The following RWDD4 variants were observed in gnomAD, a reference collection of about 807,000 sequenced individuals.
RWDD4 encodes the protein RWD domain-containing protein 4.
In RWDD4, 16 loss-of-function variants were observed where a neutral mutation model predicts 30.0. The ratio of observed to expected loss-of-function variants is 0.53; its 90% CI spans 0.36 to 0.81. The LOEUF (loss-of-function observed/expected upper bound fraction) is 0.81, where lower values mean the gene tolerates loss of function less well. RWDD4 is among the 30% of genes least tolerant of loss of function. RWDD4 has a pLI of 0.00. For missense variants in RWDD4, 170 were observed against 223.9 expected, an observed-to-expected ratio of 0.76 and a Z score of 1.54; for synonymous variants, 45 against 72.1, an observed-to-expected ratio of 0.62 and a Z score of 1.90.
At position 183,651,115 on chromosome 4, in the gene RWDD4, G is replaced by A; in HGVS notation, c.232C>T (p.Gln78Ter). The change falls in exon 4 of 8, where the codon CAG becomes TAG. Residue 78 changes from glutamine to a stop codon, truncating the protein, a stop_gained. Transcript: ENST00000326397. LOFTEE classifies it high-confidence loss of function. Reference sequence around the variant, plus strand: ...TCCTGTAGCTTGGCTAATATACTCTGCTTTACAGCTGATGATCTACAATGC... The same window carrying A: ...TCCTGTAGCTTGGCTAATATACTCTACTTTACAGCTGATGATCTACAATGC... ...FNNTISSAVK[Q>*]SILAKLQEAV... 1 of 1,614,086 alleles carries A rather than the reference G, an allele frequency of 6.2e-7. No individual in the cohort carries two copies. The highest frequency in any genetic ancestry group is 8.5e-7 in the Non-Finnish European group (1 of 1,179,984).
At chr4:183,641,500 G>C in intron 7 of RWDD4, 32 bp from the exon 8 acceptor site, 1 of 1,559,098 alleles carries the variant, frequency 6.4e-7, no homozygotes, top group Non-Finnish European at 8.8e-7. Context: ...TAGTCAACAA[G>C]TGGTATTTTC....
chr4:183,648,770 A>G (rs139612683), intron 5 of RWDD4, among the ~76,000 whole-genome samples: 2 of 152,238 alleles, frequency 1.3e-5, no homozygotes, highest in East Asian at 1.9e-4. Flanking sequence ...AGACTCATTT[A>G]TAGTTACTTT....
intron 1 of RWDD4, 99 bp downstream of exon 1, chr4:183,658,830 G>C: frequency 9.2e-7 from 1 of 1,081,708 alleles, no homozygotes; most frequent in Non-Finnish European, 1.2e-6. Context: ...AGGGCACAGG[G>C]CACGTGCCGG....
intron 5 of RWDD4, 79 bp from the exon 6 acceptor site, chr4:183,646,616 G>T: frequency 8.1e-7 from 1 of 1,241,156 alleles, no homozygotes; most frequent in Non-Finnish European, 1.1e-6. Context: ...ATATACTACT[G>T]TACACAACAA....
At chr4:183,653,085 G>T (rs1163784767) in intron 2 of RWDD4, among the ~76,000 whole-genome samples, 1 of 152,116 alleles carries the variant, frequency 6.6e-6, no homozygotes, top group East Asian at 1.9e-4. Context: ...AATGTCCCCA[G>T]ATCTGAACTG....
At chr4:183,641,500 G>A (rs1317252219) in intron 7 of RWDD4, 32 bp from the exon 8 acceptor site, 2 of 1,559,098 alleles carry the variant, frequency 1.3e-6, no homozygotes, top group Non-Finnish European at 1.8e-6. Context: ...TAGTCAACAA[G>A]TGGTATTTTC....
At chr4:183,658,844 G>T in intron 1 of RWDD4, 85 bp downstream of exon 1, 1 of 1,147,568 alleles carries the variant, frequency 8.7e-7, no homozygotes, top group South Asian at 4.4e-5. Flanking sequence ...GTGCCGGGCA[G>T]GCTGTCCGGG....
At chr4:183,651,509 T>C (rs1471319143) in intron 2 of RWDD4, among the ~76,000 whole-genome samples, 182 bp from the exon 3 acceptor site, 1 of 152,242 alleles carries the variant, frequency 6.6e-6, no homozygotes, top group African/African-American at 2.4e-5. Context: ...CAGGACAGTC[T>C]GACTTTAATT....
chr4:183,651,346 C>T lies in RWDD4; in HGVS notation c.106-19G>A, dbSNP rs755346809. The T allele has an allele frequency of 6.4e-7, 1 of 1,569,420 alleles. No individual in the cohort carries two copies. The highest frequency in any genetic ancestry group is 1.1e-5 in the South Asian group (1 of 88,092). On this transcript the variant is annotated intron_variant, in intron 2 of 7. Coordinates refer to ENST00000326397, the MANE Select transcript of RWDD4 (RefSeq NM_152682.4). ...CACCTATCTGAAGAGAAGGGGAAAT[C>T]TTAGGCTTGTAAAAGGTGATAAAAA...
chr4:183,652,046 T>C (rs181725538), intron 2 of RWDD4, among the ~76,000 whole-genome samples: 177 of 152,344 alleles, frequency 1.2e-3, no homozygotes, highest in African/African-American at 2.8e-3. Context: ...GTGATTTTTT[T>C]CCCCTTTGGT....
chr4:183,646,569 A>G, intron 5 of RWDD4, 32 bp from the exon 6 acceptor site: 1 of 1,575,442 alleles, frequency 6.3e-7, no homozygotes. Context: ...CTTTATTTCT[A>G]AGACCAACCA....
At position 183,649,555 on chromosome 4, in the gene RWDD4, T is replaced by C. The variant is rs756143023; in HGVS notation, c.377A>G (p.Asn126Ser). The change falls in exon 5 of 8, where the codon AAT becomes AGT. Residue 126 changes from asparagine (N) to serine (S), a missense_variant. Transcript: ENST00000326397. ...ATTAGGAGTTTCAATTGAGATGATATTGCTTATCGATGTCTAAAAAAAAAA... is the reference window on the plus strand; with the variant it reads ...ATTAGGAGTTTCAATTGAGATGATACTGCTTATCGATGTCTAAAAAAAAAA... ...NPINSATSIS[N>S]IISIETPNTA... The C allele has an allele frequency of 3.8e-6, 6 of 1,565,506 alleles. No homozygotes were observed. In the African/African-American group the frequency reaches 8.4e-5, roughly 22 times the overall value.
chr4:183,648,993 TGTGACCCAAAAGGTCA>T (rs1248390548), intron 5 of RWDD4, among the ~76,000 whole-genome samples: 5 of 152,088 alleles, frequency 3.3e-5, no homozygotes, highest in East Asian at 1.9e-4. Context: ...AGTATACATA[TGTGACCCAAAAGGTCA>T]GTGACCCAAA....
In RWDD4 at chr4:183,651,143, A is replaced by G; in HGVS notation, c.216-12T>C. ...TTACAGCTGATGATCTACAATGCAC[A>G]ACAAAAATACCTTGCTGAGAGAAAA... is the stretch of plus-strand genomic sequence containing the variant. On this transcript the variant is annotated splice_polypyrimidine_tract_variant and intron_variant, in intron 3 of 7. Coordinates refer to ENST00000326397, the MANE Select transcript of RWDD4 (RefSeq NM_152682.4). The G allele has an allele frequency of 6.2e-7, 1 of 1,614,018 alleles. No individual in the cohort carries two copies. Among genetic ancestry groups the G allele is most frequent in the Non-Finnish European group, 8.5e-7 (1 of 1,179,966 alleles).
chr4:183,651,401 G>A (rs1251857237), intron 2 of RWDD4, 74 bp from the exon 3 acceptor site: 24 of 1,107,854 alleles, frequency 2.2e-5, no homozygotes, highest in Non-Finnish European at 2.8e-5. Context: ...ATCTTCAAAA[G>A]GGTGAATTCT....
Position 183,659,082 on chromosome 4 carries a change from T to G in RWDD4, c.-130A>C, listed in dbSNP as rs1734308619. 2 of 654,746 alleles carry G rather than the reference T, an allele frequency of 3.1e-6. No homozygotes were observed. The highest frequency in any genetic ancestry group is 1.6e-4 in the South Asian group (2 of 12,450). The allele number at this position is 654,746 out of a possible 1,614,324, so 40.6% of individuals were successfully genotyped here. A position where few individuals can be genotyped will look rare whatever the true frequency, so the allele number is the denominator to read the frequency against. On this transcript the variant is annotated 5_prime_UTR_variant, in exon 1 of 8. Coordinates refer to ENST00000326397, the MANE Select transcript of RWDD4 (RefSeq NM_152682.4). ...TGTGGGGGCGGCACAGTCTTGGCAC[T>G]GGCAGACGCCAACTGCGCGCGCCCC... is the stretch of plus-strand genomic sequence containing the variant.
Position 183,659,132 on chromosome 4 carries a change from G to A in RWDD4, c.-180C>T, listed in dbSNP as rs988725741. ...CGAGCCTCGGCAGCGCCCAGCCGCCGGCAGTGGGCTGTGGGCTACGAGCCG... is the reference window on the plus strand; with the variant it reads ...CGAGCCTCGGCAGCGCCCAGCCGCCAGCAGTGGGCTGTGGGCTACGAGCCG... On this transcript the variant is annotated 5_prime_UTR_variant, in exon 1 of 8. Coordinates refer to ENST00000326397, the MANE Select transcript of RWDD4 (RefSeq NM_152682.4). 3.5e-5 allele frequency: 15 copies of A among 432,636 alleles called. No homozygotes were observed. The highest frequency in any genetic ancestry group is 2.6e-4 in the South Asian group (2 of 7,692). 26.8% of individuals were successfully genotyped at this position (432,636 alleles called of 1,614,324 possible).
At chr4:183,649,410 G>A in intron 5 of RWDD4, 41 bp downstream of exon 5, 1 of 1,353,506 alleles carries the variant, frequency 7.4e-7, no homozygotes, top group Non-Finnish European at 1.0e-6. Flanking sequence ...GTGAGACTCT[G>A]TCAAAAAAAA....
In RWDD4 at chr4:183,640,023, A is replaced by G. The variant is rs1193317006; in HGVS notation, c.*1413T>C. 4.6e-5 allele frequency: 7 copies of G among 152,270 alleles called. No individual in the cohort carries two copies. Among genetic ancestry groups the G allele is most frequent in the South Asian group, 2.1e-4 (1 of 4,828 alleles). 9.4% of individuals were successfully genotyped at this position (152,270 alleles called of 1,614,324 possible). ...TACTACCCACACACAACCCTGAAAC[A>G]TAAGTTGCCATATTCCAGTGGTCCT... On this transcript the variant is annotated 3_prime_UTR_variant, in exon 8 of 8. Transcript: ENST00000326397.
Sources: allele counts gnomAD v4.1 joint callset (sites outside exome capture counted in the v4.1 genomes callset), GRCh38; gene constraint gnomAD v4.1.1; transcripts MANE v1.5; gene names NCBI Gene and HGNC (gene_info 2026-07-23, HGNC 2026-07-21).